Variants in MAP7D2 observed in about 807,000 individuals in gnomAD.
MAP7D2 encodes MAP7 domain containing 2.
MAP7D2 carries 33 observed loss-of-function variants against 63.5 expected under a neutral mutation model. That is an observed-to-expected ratio of 0.52 (90% CI 0.39 to 0.70). MAP7D2 has a LOEUF of 0.70. Among genes scored for constraint, MAP7D2 ranks in the 30% least tolerant of loss-of-function variants. The pLI is 0.00. For synonymous variants in MAP7D2, 224 were observed against 223.7 expected, an observed-to-expected ratio of 1.00 and a Z score of -0.01; for missense variants, 626 against 604.0, an observed-to-expected ratio of 1.04 and a Z score of -0.38.
chrX:20,107,256 A>C (rs191932084), intron 1 of MAP7D2, among the ~76,000 whole-genome samples: 4 of 110,887 alleles, frequency 3.6e-5, no homozygotes, highest in African/African-American at 1.3e-4. Flanking sequence ...AGTGTGGTTA[A>C]GGGAGAGAAC....
chrX:20,024,863 A>G, intron 10 of MAP7D2, 88 bp downstream of exon 10: 4 of 1,061,271 alleles, frequency 3.8e-6, no homozygotes, highest in East Asian at 6.2e-5. Context: ...AGTTTTATCA[A>G]TACCAACGCT....
intron 8 of MAP7D2, among the ~76,000 whole-genome samples, chrX:20,040,449 G>A (rs1298991222): frequency 8.9e-6 from 1 of 111,763 alleles, no homozygotes; most frequent in Non-Finnish European, 1.9e-5. Context: ...TTGGCTAACT[G>A]GTGCCAGAGG....
chrX:20,033,553 C>T (rs1011522294), intron 8 of MAP7D2, among the ~76,000 whole-genome samples: 15 of 112,379 alleles, frequency 1.3e-4, no homozygotes, highest in African/African-American at 1.9e-4. Context: ...TAAACTTGAA[C>T]GCTTAAAAGA....
At chrX:20,069,667 T>C (rs1237253372) in intron 1 of MAP7D2, among the ~76,000 whole-genome samples, 1 of 111,279 alleles carries the variant, frequency 9.0e-6, no homozygotes, top group Non-Finnish European at 1.9e-5. Flanking sequence ...ATGTACTCTG[T>C]CTTGATTGTA....
Position 20,013,616 on chromosome X carries a change from C to T in MAP7D2, c.1759G>A (p.Glu587Lys). The change falls in exon 13 of 17, where the codon GAA becomes AAA. Residue 587 changes from glutamate (E) to lysine (K), a missense_variant. Coordinates refer to ENST00000379643, the MANE Select transcript of MAP7D2 (RefSeq NM_001168465.2). ...CTTTTCCTTGTTCTCTTCATGATTT[C>T]ATCTATTCTCTAAAAACAAAAAACA... ...ERLERKKRID[E>K]IMKRTRKSDV... 1 of 1,186,273 alleles carries T rather than the reference C, an allele frequency of 8.4e-7. No homozygotes were observed. The highest frequency in any genetic ancestry group is 1.8e-5 in the African/African-American group (1 of 57,071).
intron 1 of MAP7D2, among the ~76,000 whole-genome samples, chrX:20,102,035 T>C (rs767500411): frequency 5.4e-5 from 6 of 112,085 alleles, no homozygotes; most frequent in Non-Finnish European, 1.1e-4. Context: ...GTGAGAACAG[T>C]GGTTACCTTT....
chrX:20,111,710 C>T (rs747290453), intron 1 of MAP7D2, among the ~76,000 whole-genome samples: 5 of 111,576 alleles, frequency 4.5e-5, no homozygotes, highest in South Asian at 7.5e-4. Context: ...TAAAAACCAT[C>T]GAATTGTGCA....
At chrX:20,115,160 T>C (rs2066856998) in intron 1 of MAP7D2, among the ~76,000 whole-genome samples, 1 of 108,126 alleles carries the variant, frequency 9.2e-6, no homozygotes, top group African/African-American at 3.4e-5. Flanking sequence ...TAAATGATTC[T>C]ACAATAGTTT....
intron 1 of MAP7D2, among the ~76,000 whole-genome samples, chrX:20,104,643 A>G (rs751787194): frequency 1.8e-5 from 2 of 112,319 alleles, no homozygotes; most frequent in Non-Finnish European, 3.8e-5. Flanking sequence ...GTCTGTAGAC[A>G]TAACTACAAC....
chrX:20,089,782 C>T (rs1239450831), intron 1 of MAP7D2, among the ~76,000 whole-genome samples: 1 of 112,302 alleles, frequency 8.9e-6, no homozygotes, highest in Admixed American at 9.4e-5. Context: ...TGGGTTTTTA[C>T]AAAACAATGC....
In MAP7D2 at chrX:20,087,659, T is replaced by C. The variant is rs1281491123; in HGVS notation, c.131-22854A>G. Among the ~76,000 whole-genome samples, 3 of 111,953 alleles carry C rather than the reference T, an allele frequency of 2.7e-5. No homozygotes were observed. In the East Asian group the frequency reaches 8.3e-4, roughly 31 times the overall value. On this transcript the variant is annotated intron_variant, in intron 1 of 16. Coordinates refer to ENST00000379643, the MANE Select transcript of MAP7D2 (RefSeq NM_001168465.2). ...TCAGAGCCTGTCTTGGCAATAAAACTTCACAAATCTAGCCTTATTTTCAGA... is the reference window on the plus strand; with the variant it reads ...TCAGAGCCTGTCTTGGCAATAAAACCTCACAAATCTAGCCTTATTTTCAGA...
At chrX:20,098,821 C>G (rs373913260) in intron 1 of MAP7D2, among the ~76,000 whole-genome samples, 12 of 112,469 alleles carry the variant, frequency 1.1e-4, no homozygotes, top group Admixed American at 1.0e-3. Flanking sequence ...AATGCTGCCA[C>G]CTGACATTTT....
At chrX:20,107,669 C>G (rs1358198642) in intron 1 of MAP7D2, among the ~76,000 whole-genome samples, 3 of 110,876 alleles carry the variant, frequency 2.7e-5, no homozygotes, top group Non-Finnish European at 5.7e-5. Context: ...TTCACCGTTT[C>G]TTTTTCTTAA....
intron 8 of MAP7D2, among the ~76,000 whole-genome samples, chrX:20,033,267 G>A (rs2074108913): frequency 8.9e-6 from 1 of 112,324 alleles, no homozygotes; most frequent in African/African-American, 3.2e-5. Context: ...GTAATAGATA[G>A]CTGAAATATT....
chrX:20,109,519 C>CA (rs60683453), intron 1 of MAP7D2, among the ~76,000 whole-genome samples: 431 of 31,984 alleles, frequency 0.013, no homozygotes, highest in East Asian at 0.019. Context: ...GACTCCGTCT[C>CA]AAAAAAAAAA....
chrX:20,040,832 A>T (rs766180043), intron 8 of MAP7D2, among the ~76,000 whole-genome samples: 1 of 111,801 alleles, frequency 8.9e-6, no homozygotes, highest in Admixed American at 9.5e-5. Context: ...GAGAATTGCC[A>T]AAATGTGACA....
At chrX:20,018,602 C>T (rs2073508635) in intron 10 of MAP7D2, among the ~76,000 whole-genome samples, 1 of 108,628 alleles carries the variant, frequency 9.2e-6, no homozygotes, top group Admixed American at 9.8e-5. Context: ...GCCGCTATGC[C>T]CAGCTAATTT....
chrX:20,088,713 AAAG>A (rs1435774124), intron 1 of MAP7D2, among the ~76,000 whole-genome samples: 2 of 110,032 alleles, frequency 1.8e-5, no homozygotes, highest in South Asian at 4.0e-4. Flanking sequence ...CTTTTGAAGA[AAAG>A]AAGATTTAAT....
intron 6 of MAP7D2, among the ~76,000 whole-genome samples, chrX:20,048,956 CGTATAT>C (rs1163289832): frequency 1.4e-4 from 15 of 109,071 alleles, no homozygotes; most frequent in South Asian, 7.9e-4. Context: ...TATATGTATA[CGTATAT>C]GTATACGTAT....
Sources: allele counts gnomAD v4.1 joint callset (sites outside exome capture counted in the v4.1 genomes callset), GRCh38; gene constraint gnomAD v4.1.1; transcripts MANE v1.5; gene names NCBI Gene and HGNC (gene_info 2026-07-23, HGNC 2026-07-21).